The following NGF variants were observed in gnomAD, a reference collection of about 807,000 sequenced individuals.
The protein encoded by NGF is nerve growth factor, also known as beta-nerve growth factor.
NGF carries 4 observed loss-of-function variants against 12.8 expected under a neutral mutation model. The ratio of observed to expected loss-of-function variants is 0.31; its 90% CI spans 0.15 to 0.72. The LOEUF (loss-of-function observed/expected upper bound fraction) is 0.72, where lower values mean the gene tolerates loss of function less well. Ranked by LOEUF, NGF falls within the 30% of genes least tolerant of loss-of-function variation. The pLI, the probability that NGF is intolerant of heterozygous loss-of-function variation, is 0.69. For missense variants in NGF, 283 were observed against 330.8 expected, an observed-to-expected ratio of 0.86 and a Z score of 1.12; for synonymous variants, 140 against 130.0, an observed-to-expected ratio of 1.08 and a Z score of -0.52.
At chr1:115,292,940 T>A (rs1653748069) in intron 2 of NGF, among the ~76,000 whole-genome samples, 1 of 151,990 alleles carries the variant, frequency 6.6e-6, no homozygotes, top group Admixed American at 6.5e-5. Context: ...GTGGGGTCAC[T>A]GGGCTCTCGG....
At chr1:115,312,191 G>A (rs1654352693) in intron 1 of NGF, among the ~76,000 whole-genome samples, 1 of 152,180 alleles carries the variant, frequency 6.6e-6, no homozygotes, top group South Asian at 2.1e-4. Flanking sequence ...GTAAACTAGA[G>A]CTAATGAATT....
chr1:115,291,348 A>T (rs755211117), intron 2 of NGF, among the ~76,000 whole-genome samples: 2 of 152,216 alleles, frequency 1.3e-5, no homozygotes, highest in Non-Finnish European at 2.9e-5. Flanking sequence ...TTTTTGGTTG[A>T]TGTGAACCAG....
chr1:115,335,778 C>G (rs1246611919), intron 1 of NGF, among the ~76,000 whole-genome samples: 1 of 152,152 alleles, frequency 6.6e-6, no homozygotes, highest in African/African-American at 2.4e-5. Flanking sequence ...TACTCCATGC[C>G]CAGTAGAGAA....
chr1:115,327,833 G>T (rs1230823227), intron 1 of NGF, among the ~76,000 whole-genome samples: 1 of 152,126 alleles, frequency 6.6e-6, no homozygotes, highest in Non-Finnish European at 1.5e-5. Context: ...GTGGGGGCAG[G>T]GCATGATGTG....
chr1:115,286,716 G>A lies in NGF; in HGVS notation c.80C>T (p.Pro27Leu), dbSNP rs1186376081. The A allele has an allele frequency of 2.5e-6, 4 of 1,614,216 alleles. No individual in the cohort carries two copies. The Admixed American group carries it at 6.7e-5, about 27-fold the overall frequency. ...QAEPHSESNV[P>L]AGHTIPQAHW... is the part of the protein sequence containing the mutation. ...GGCTTGGGGGATGGTGTGTCCTGCA[G>A]GGACATTGCTCTCTGAGTGTGGTTC... The change falls in exon 3 of 3, where the codon CCT (proline) becomes CTT (leucine). Residue 27 changes from proline (P) to leucine (L), a missense_variant. Physicochemically the swap from Pro to Leu is moderately conservative, Grantham distance 98. This residue lies in a region of NGF where 151 missense variants were observed against 141.6 expected (regional missense o/e 1.07). Transcript: ENST00000369512.
chr1:115,333,698 TTTCTTTCTTTC>T (rs1655007672), intron 1 of NGF, among the ~76,000 whole-genome samples: 1 of 80,386 alleles, frequency 1.2e-5, no homozygotes, highest in Non-Finnish European at 2.2e-5. Flanking sequence ...TCTTTCTTTC[TTTCTTTCTTTC>T]TTTCTTTTCT....
At chr1:115,322,172 T>C (rs923500167) in intron 1 of NGF, among the ~76,000 whole-genome samples, 1 of 152,226 alleles carries the variant, frequency 6.6e-6, no homozygotes, top group Non-Finnish European at 1.5e-5. Flanking sequence ...CTCTGGAATT[T>C]CTTTTCTGTC....
intron 1 of NGF, among the ~76,000 whole-genome samples, chr1:115,307,837 A>T (rs575875256): frequency 6.0e-4 from 91 of 152,368 alleles, no homozygotes; most frequent in African/African-American, 2.0e-3. Flanking sequence ...CAGCATCTCC[A>T]ACACAAAAGT....
rs78218911 is a variant in NGF, at chr1:115,293,090, C to T, written c.-13+537G>A. Among the ~76,000 whole-genome samples, 817 of 152,090 alleles carry T rather than the reference C, an allele frequency of 5.4e-3. 3 individuals are homozygous for T. Among genetic ancestry groups the T allele is most frequent in the African/African-American group, 0.019 (771 of 41,470 alleles). ...ATTTTCTAATTAACCATTACACAAA[C>T]CTGGGAGGTTGGCCATATTATTCCT... On this transcript the variant is annotated intron_variant, in intron 2 of 2. Transcript: ENST00000369512.
intron 1 of NGF, among the ~76,000 whole-genome samples, chr1:115,334,199 G>A (rs1052323980): frequency 2.0e-5 from 3 of 152,072 alleles, no homozygotes; most frequent in East Asian, 1.9e-4. Flanking sequence ...GGGCACAGTT[G>A]TATTAATTCG....
At chr1:115,297,322 G>T (rs565938709) in intron 1 of NGF, among the ~76,000 whole-genome samples, 1 of 152,080 alleles carries the variant, frequency 6.6e-6, no homozygotes, top group East Asian at 1.9e-4. Flanking sequence ...AAGACAAAGC[G>T]CCAACCCAGA....
chr1:115,335,939 T>A (rs1007647621), intron 1 of NGF, among the ~76,000 whole-genome samples: 2 of 152,206 alleles, frequency 1.3e-5, no homozygotes, highest in East Asian at 3.8e-4. Flanking sequence ...TCGGTAATGA[T>A]GAGAAACTTC....
chr1:115,305,453 G>A (rs2101036775), intron 1 of NGF, among the ~76,000 whole-genome samples: 1 of 152,298 alleles, frequency 6.6e-6, no homozygotes, highest in South Asian at 2.1e-4. Flanking sequence ...GGGAGCAACA[G>A]TTCCACCCTC....
Position 115,286,614 on chromosome 1 carries a change from G to T in NGF, c.182C>A (p.Ala61Glu). Residue 61 changes from alanine to glutamate, a missense_variant, in exon 3 of 3, where the codon GCA becomes GAA. By Grantham distance (107) the Ala-to-Glu change is moderately radical. Around this residue, in one of 2 missense-constraint regions of NGF, gnomAD observed 151 missense variants for 141.6 expected, o/e 1.07. Coordinates refer to ENST00000369512, the MANE Select transcript of NGF (RefSeq NM_002506.3). Reference protein sequence around the residue: ...ARSAPAAAIAARVAGQTRNIT... With the variant: ...ARSAPAAAIAERVAGQTRNIT... Reference sequence around the variant, plus strand: ...GTTGCGGGTCTGCCCCGCCACGCGTGCAGCTATCGCCGCTGCCGGGGCGCT... The same window carrying T: ...GTTGCGGGTCTGCCCCGCCACGCGTTCAGCTATCGCCGCTGCCGGGGCGCT... The T allele has an allele frequency of 6.2e-7, 1 of 1,614,216 alleles. No homozygotes were observed. The highest frequency in any genetic ancestry group is 8.5e-7 in the Non-Finnish European group (1 of 1,180,042).
chr1:115,324,508 C>T (rs1010173784), intron 1 of NGF, among the ~76,000 whole-genome samples: 1 of 152,234 alleles, frequency 6.6e-6, no homozygotes, highest in African/African-American at 2.4e-5. Flanking sequence ...ACCTGAGCTT[C>T]GGCTTCTCTT....
intron 1 of NGF, among the ~76,000 whole-genome samples, chr1:115,315,160 T>C (rs1312056754): frequency 6.6e-6 from 1 of 152,188 alleles, no homozygotes; most frequent in Non-Finnish European, 1.5e-5. Context: ...TAGGGCTTTA[T>C]GGACCCTGGT....
At chr1:115,326,642 A>G (rs1437481063) in intron 1 of NGF, among the ~76,000 whole-genome samples, 1 of 152,158 alleles carries the variant, frequency 6.6e-6, no homozygotes, top group Non-Finnish European at 1.5e-5. Context: ...CATGGCAGGA[A>G]TACCTCATCT....
At chr1:115,322,687 C>G (rs904280899) in intron 1 of NGF, among the ~76,000 whole-genome samples, 2 of 152,170 alleles carry the variant, frequency 1.3e-5, no homozygotes, top group African/African-American at 4.8e-5. Context: ...CTATGTTAAC[C>G]ATTTTATAAG....
At chr1:115,288,400 G>A (rs1653584839) in intron 2 of NGF, among the ~76,000 whole-genome samples, 1 of 152,190 alleles carries the variant, frequency 6.6e-6, no homozygotes, top group South Asian at 2.1e-4. Context: ...ATCTCCCAGA[G>A]TAGTTGTTAG....
Sources: gnomAD v4.1 joint callset for allele counts (sites outside exome capture counted in the v4.1 genomes callset) on GRCh38, gnomAD v4.1.1 for gene constraint, gnomAD v4.1.1 regional missense constraint, MANE v1.5 for transcripts, NCBI Gene and HGNC (gene_info 2026-07-23, HGNC 2026-07-21) for gene names.